CTXN2: variants seen among roughly 807,000 people sequenced by gnomAD.
CTXN2 encodes cortexin-2.
Under a neutral mutation model 5.7 loss-of-function variants are expected in CTXN2, and 3 were observed. That is an observed-to-expected ratio of 0.53 (90% CI 0.24 to 1.36). The LOEUF (loss-of-function observed/expected upper bound fraction) is 1.36, where lower values mean the gene tolerates loss of function less well. Ranked by LOEUF, CTXN2 falls within the 40% of genes most tolerant of loss-of-function variation. The pLI is 0.17. For synonymous variants in CTXN2, 38 were observed against 36.4 expected, an observed-to-expected ratio of 1.04 and a Z score of -0.16; for missense variants, 87 against 93.0, an observed-to-expected ratio of 0.94 and a Z score of 0.26.
rs2040826297 is a variant in CTXN2, at chr15:48,191,834, C to T, written c.-77C>T. The T allele has an allele frequency of 2.2e-6, 1 of 455,896 alleles. No individual in the cohort carries two copies. The highest frequency in any genetic ancestry group is 4.4e-6 in the Non-Finnish European group (1 of 226,774). The allele number at this position is 455,896 out of a possible 1,614,324, so 28.2% of individuals were successfully genotyped here. A position where few individuals can be genotyped will look rare whatever the true frequency, so the allele number is the denominator to read the frequency against. ...AAGTCTACTGGCTGGACTTCATCTC[C>T]ATGGCAACAAGCATGGAAGGTGAGA... On this transcript the variant is annotated 5_prime_UTR_variant, in exon 1 of 2. Coordinates refer to ENST00000417307, the MANE Select transcript of CTXN2 (RefSeq NM_001145668.2).
At position 48,203,076 on chromosome 15, in the gene CTXN2, A is replaced by C. The variant is rs755243011; in HGVS notation, c.*1530A>C. 6.0e-6 allele frequency: 1 copy of C among 167,070 alleles called. No individual in the cohort carries two copies. The highest frequency in any genetic ancestry group is 2.4e-5 in the African/African-American group (1 of 41,444). The allele number at this position is 167,070 out of a possible 1,614,324, so 10.3% of individuals were successfully genotyped here. On this transcript the variant is annotated 3_prime_UTR_variant, in exon 2 of 2. Transcript: ENST00000417307. The stretch of plus-strand genomic sequence containing the variant: ...ATTTTTAATCTTAATTTTGCAGAAG[A>C]GAAACTGAAGCTAAGAGAAATTAAC...
At chr15:48,190,807 A>G (rs1468695822), upstream of CTXN2, 2 of 152,234 alleles carry the variant, frequency 1.3e-5, no homozygotes, top group Non-Finnish European at 2.9e-5. Flanking sequence ...GACCCCTAAA[A>G]TAAGGATAAA....
chr15:48,200,686 G>GTATC (rs2040921083), intron 1 of CTXN2, among the ~76,000 whole-genome samples: 1 of 152,094 alleles, frequency 6.6e-6, no homozygotes, highest in Non-Finnish European at 1.5e-5. Flanking sequence ...TTGACACAGT[G>GTATC]TATCCAGTGG....
upstream of CTXN2, among the ~76,000 whole-genome samples, chr15:48,187,319 T>C (rs903026889): frequency 2.0e-5 from 3 of 152,056 alleles, no homozygotes; most frequent in Non-Finnish European, 1.5e-5. Flanking sequence ...CAAAAAAGCA[T>C]TGGATTAATC....
At position 48,191,780 on chromosome 15, in the gene CTXN2, A is replaced by T; in HGVS notation, c.-131A>T. 2.2e-6 allele frequency: 1 copy of T among 456,048 alleles called. No homozygotes were observed. Among genetic ancestry groups the T allele is most frequent in the Non-Finnish European group, 4.4e-6 (1 of 226,794 alleles). The allele number at this position is 456,048 out of a possible 1,614,324, so 28.3% of individuals were successfully genotyped here. A position where few individuals can be genotyped will look rare whatever the true frequency, so the allele number is the denominator to read the frequency against. ...TTCTACATTTGTTACTGAACCGATC[A>T]GCGAACACAGACAAACGTGCCAACA... is the stretch of plus-strand genomic sequence containing the variant. On this transcript the variant is annotated 5_prime_UTR_variant, in exon 1 of 2. Coordinates refer to ENST00000417307, the MANE Select transcript of CTXN2 (RefSeq NM_001145668.2).
chr15:48,184,727 AC>A (rs1426261451), intron 1 of CTXN2, among the ~76,000 whole-genome samples: 1 of 152,184 alleles, frequency 6.6e-6, no homozygotes, highest in East Asian at 1.9e-4. Context: ...ACTTTGGAAG[AC>A]AGTATGGCAA....
At chr15:48,190,558 G>C (rs182334943), upstream of CTXN2, among the ~76,000 whole-genome samples, 28 of 151,962 alleles carry the variant, frequency 1.8e-4, no homozygotes, top group Admixed American at 7.2e-4. Context: ...CATGAAGTTT[G>C]TCTTCACTTT....
intron 1 of CTXN2, among the ~76,000 whole-genome samples, chr15:48,200,897 T>C (rs2040922771): frequency 6.6e-6 from 1 of 152,142 alleles, no homozygotes; most frequent in Non-Finnish European, 1.5e-5. Flanking sequence ...CGTGCAAATA[T>C]GAGGTGAAAA....
rs1402229977 is a variant in CTXN2 at position 48,202,631 on chromosome 15, A to T, written c.*1085A>T. On this transcript the variant is annotated 3_prime_UTR_variant, in exon 2 of 2. Transcript: ENST00000417307. ...AATATTGAGAGGGCCAATTAGATAT[A>T]ATGAATGTGAAAGCATTTTGTAAAC... 1.2e-5 allele frequency: 2 copies of T among 167,054 alleles called. No homozygotes were observed. Among genetic ancestry groups the T allele is most frequent in the African/African-American group, 4.8e-5 (2 of 41,466 alleles). 10.3% of individuals were successfully genotyped at this position (167,054 alleles called of 1,614,324 possible). A position where few individuals can be genotyped will look rare whatever the true frequency, so the allele number is the denominator to read the frequency against.
upstream of CTXN2, among the ~76,000 whole-genome samples, chr15:48,188,626 A>G (rs2040782675): frequency 6.6e-6 from 1 of 152,226 alleles, no homozygotes; most frequent in South Asian, 2.1e-4. Flanking sequence ...GTCAAAGCAT[A>G]GTAAAGGCAA....
At chr15:48,190,050 C>T (rs2040799028), upstream of CTXN2, 1 of 152,214 alleles carries the variant, frequency 6.6e-6, no homozygotes, top group African/African-American at 2.4e-5. Flanking sequence ...CTCAGGTGAT[C>T]CTCCTACCTC....
chr15:48,178,804 CTGAT>C (rs1401404659), intron 1 of CTXN2, among the ~76,000 whole-genome samples: 2 of 152,086 alleles, frequency 1.3e-5, no homozygotes, highest in African/African-American at 2.4e-5. Context: ...TTATTGATGA[CTGAT>C]TGCAATTCAC....
chr15:48,187,578 T>G (rs991739291), upstream of CTXN2, among the ~76,000 whole-genome samples: 1 of 152,184 alleles, frequency 6.6e-6, no homozygotes, highest in Non-Finnish European at 1.5e-5. Flanking sequence ...GTGATCTCAC[T>G]TTGCAAAAGT....
upstream of CTXN2, among the ~76,000 whole-genome samples, chr15:48,187,651 G>A (rs1450738395): frequency 6.6e-6 from 1 of 152,164 alleles, no homozygotes; most frequent in Non-Finnish European, 1.5e-5. Context: ...ATTTTCCTCT[G>A]AAAAGAATCC....
At chr15:48,192,886 TG>T (rs1352963770) in intron 1 of CTXN2, among the ~76,000 whole-genome samples, 2 of 152,214 alleles carry the variant, frequency 1.3e-5, no homozygotes, top group African/African-American at 4.8e-5. Flanking sequence ...TGTGCATTGT[TG>T]CATGATTAAA....
intron 1 of CTXN2, among the ~76,000 whole-genome samples, chr15:48,197,178 A>G (rs374501792): frequency 6.6e-6 from 1 of 151,988 alleles, no homozygotes; most frequent in African/African-American, 2.4e-5. Context: ...AACATATGGT[A>G]TGTGAAACCC....
chr15:48,180,857 A>C (rs964399875), intron 1 of CTXN2, among the ~76,000 whole-genome samples: 1 of 152,216 alleles, frequency 6.6e-6, no homozygotes, highest in African/African-American at 2.4e-5. Context: ...ATGTAGGTAC[A>C]TTGAAAAATT....
Position 48,191,692 on chromosome 15 carries a change from A to G in CTXN2, c.-219A>G. On this transcript the variant is annotated 5_prime_UTR_variant, in exon 1 of 2. Transcript: ENST00000417307. ...CTCACCAACAGACACAGACATTTACACTTCTAGGCCAGGAAAGCGCTAACC... is the reference window on the plus strand; with the variant it reads ...CTCACCAACAGACACAGACATTTACGCTTCTAGGCCAGGAAAGCGCTAACC... The G allele has an allele frequency of 2.2e-6, 1 of 455,772 alleles. No individual in the cohort carries two copies. The highest frequency in any genetic ancestry group is 4.4e-6 in the Non-Finnish European group (1 of 226,706). 28.2% of individuals were successfully genotyped at this position (455,772 alleles called of 1,614,324 possible).
intron 1 of CTXN2, among the ~76,000 whole-genome samples, chr15:48,186,406 T>TA (rs373286518): frequency 6.9e-4 from 105 of 152,338 alleles, no homozygotes; most frequent in Middle Eastern, 6.8e-3. Context: ...GGAGTCCACA[T>TA]ACTTAGATCA....
Sources: allele counts gnomAD v4.1 joint callset (sites outside exome capture counted in the v4.1 genomes callset), GRCh38; gene constraint gnomAD v4.1.1; transcripts MANE v1.5; gene names NCBI Gene and HGNC (gene_info 2026-07-23, HGNC 2026-07-21).